The following MLF1 variants were observed in gnomAD, a reference collection of about 807,000 sequenced individuals.
MLF1 encodes myelodysplasia-myeloid leukemia factor 1.
A neutral mutation model predicts 38.3 loss-of-function variants in MLF1; 37 were observed. The ratio of observed to expected loss-of-function variants is 0.96; its 90% CI spans 0.74 to 1.27. The LOEUF is 1.27. MLF1 is among the 50% of genes most tolerant of loss of function. The probability of loss-of-function intolerance (pLI) is 0.00; values close to 1 mark genes in which losing one functional copy is unlikely to be tolerated. For missense variants in MLF1, 331 were observed against 349.2 expected, an observed-to-expected ratio of 0.95 and a Z score of 0.42; for synonymous variants, 95 against 106.5, an observed-to-expected ratio of 0.89 and a Z score of 0.66.
intron 1 of MLF1, among the ~76,000 whole-genome samples, chr3:158,579,081 T>G (rs1181914515): frequency 2.0e-5 from 3 of 152,150 alleles, no homozygotes; most frequent in South Asian, 4.1e-4. Context: ...ATTTTCAAAT[T>G]ATTACCTTAG....
At chr3:158,595,800 T>A (rs1358220586) in intron 3 of MLF1, among the ~76,000 whole-genome samples, 1 of 152,140 alleles carries the variant, frequency 6.6e-6, no homozygotes, top group African/African-American at 2.4e-5. Context: ...CAAATAGAAC[T>A]TAGGAGGATT....
At position 158,600,120 on chromosome 3, in the gene MLF1, AC is replaced by A. The variant is rs1719523853; in HGVS notation, c.561del (p.Asn187LysfsTer16). 6.8e-7 allele frequency: 1 copy of A among 1,475,242 alleles called. No individual in the cohort carries two copies. The highest frequency in any genetic ancestry group is 9.0e-7 in the Non-Finnish European group (1 of 1,105,780). 91.4% of individuals were successfully genotyped at this position (1,475,242 alleles called of 1,614,324 possible). ...GCTCATGTCATTAAAAAGTCAAAGA[AC>A]AAGAAGACTGGAGATGAAGAGGTCA... is the stretch of plus-strand genomic sequence containing the variant. ...DRAHVIKKSK[N>X]KKTGDEEVNQ... On this transcript the variant is annotated frameshift_variant, in exon 6 of 8. Transcript: ENST00000466246. LOFTEE classifies it high-confidence loss of function.
In MLF1 at chr3:158,581,155, G is replaced by T. The variant is rs190586259; in HGVS notation, c.47+9808G>T. Among the ~76,000 whole-genome samples, 3 of 152,156 alleles carry T rather than the reference G, an allele frequency of 2.0e-5. No homozygotes were observed. The South Asian group carries it at 6.2e-4, about 32-fold the overall frequency. ...CAGAAACCTCTTCAGGAACCAGTGC[G>T]AGGGTAGTAGGAAAACCTGACCTGT... On this transcript the variant is annotated intron_variant, in intron 1 of 7. Coordinates refer to ENST00000466246, the MANE Select transcript of MLF1 (RefSeq NM_001369783.1).
At chr3:158,571,421 G>T in intron 1 of MLF1, 74 bp downstream of exon 1, 6 of 1,589,192 alleles carry the variant, frequency 3.8e-6, no homozygotes, top group Non-Finnish European at 4.3e-6. Context: ...TAAGGGAAAA[G>T]AGCGAGTTTT....
chr3:158,576,391 C>T (rs931418281), intron 1 of MLF1, among the ~76,000 whole-genome samples: 2 of 152,128 alleles, frequency 1.3e-5, no homozygotes, highest in African/African-American at 4.8e-5. Flanking sequence ...TAACAATATG[C>T]ATATTGTTAA....
rs1463013635 is a variant in MLF1 at position 158,605,664 on chromosome 3, G to T, written c.*462G>T. The T allele has an allele frequency of 5.4e-6, 1 of 184,726 alleles. No homozygotes were observed. Among genetic ancestry groups the T allele is most frequent in the Non-Finnish European group, 1.1e-5 (1 of 87,336 alleles). The allele number at this position is 184,726 out of a possible 1,614,324, so 11.4% of individuals were successfully genotyped here. On this transcript the variant is annotated 3_prime_UTR_variant, in exon 8 of 8. Coordinates refer to ENST00000466246, the MANE Select transcript of MLF1 (RefSeq NM_001369783.1). ...TTTATCTCTAATTTTATAATGTGTTGTAAAGCCAACTAGCTTAAAACTTTA... is the reference window on the plus strand; with the variant it reads ...TTTATCTCTAATTTTATAATGTGTTTTAAAGCCAACTAGCTTAAAACTTTA...
At chr3:158,602,071 C>T (rs1719871944) in intron 6 of MLF1, among the ~76,000 whole-genome samples, 1 of 152,064 alleles carries the variant, frequency 6.6e-6, no homozygotes, top group African/African-American at 2.4e-5. Context: ...CCACCTCAGC[C>T]TCCCAAAGTG....
At chr3:158,577,797 G>T (rs1276492716) in intron 1 of MLF1, among the ~76,000 whole-genome samples, 1 of 152,098 alleles carries the variant, frequency 6.6e-6, no homozygotes, top group Non-Finnish European at 1.5e-5. Flanking sequence ...GTACCCACAA[G>T]ATAATTCCTA....
chr3:158,603,861 TAG>T lies in MLF1; in HGVS notation c.746+925_746+926del, dbSNP rs1174737032. On this transcript the variant is annotated intron_variant, in intron 7 of 7. Coordinates refer to ENST00000466246, the MANE Select transcript of MLF1 (RefSeq NM_001369783.1). The stretch of plus-strand genomic sequence containing the variant: ...CTCAAAAATAAATAAATAAATATTA[TAG>T]AGTTTTTAAATACATTTTGTACATA... 1.8e-4 allele frequency among the ~76,000 whole-genome samples: 28 copies of T among 152,086 alleles called. No homozygotes were observed. In the East Asian group the frequency reaches 4.6e-3, roughly 25 times the overall value.
At chr3:158,582,378 T>C (rs1193932799) in intron 1 of MLF1, among the ~76,000 whole-genome samples, 1 of 151,022 alleles carries the variant, frequency 6.6e-6, no homozygotes, top group Admixed American at 6.6e-5. Flanking sequence ...ACGAAAGATA[T>C]AACCTGTAAT....
chr3:158,592,847 A>G (rs1335882617), intron 2 of MLF1, among the ~76,000 whole-genome samples: 4 of 152,178 alleles, frequency 2.6e-5, no homozygotes, highest in Non-Finnish European at 5.9e-5. Context: ...TTTTATATTT[A>G]TGTATACATT....
chr3:158,576,791 G>A (rs1249583114), intron 1 of MLF1, among the ~76,000 whole-genome samples: 2 of 151,158 alleles, frequency 1.3e-5, no homozygotes, highest in Non-Finnish European at 2.9e-5. Context: ...TCCTGCCTCA[G>A]CCTCCTGAGT....
At chr3:158,572,052 TGTGAGGCGTTTGGAGGAGGGTTGAGGGC>T (rs1714464128) in intron 1 of MLF1, among the ~76,000 whole-genome samples, 1 of 14,812 alleles carries the variant, frequency 6.8e-5, no homozygotes, top group Non-Finnish European at 1.2e-4. Context: ...GATTTGGGGG[TGTGAGGCGTTTGGAGGAGGGTTGAGGGC>T]GTGAGGTGGG....
intron 1 of MLF1, among the ~76,000 whole-genome samples, chr3:158,590,614 TAAGGGAAAG>T (rs1361584006): frequency 1.3e-5 from 2 of 152,176 alleles, no homozygotes; most frequent in Non-Finnish European, 2.9e-5. Context: ...AGCATTATGC[TAAGGGAAAG>T]AAGCTAGACA....
At chr3:158,575,075 A>G (rs1426594721) in intron 1 of MLF1, among the ~76,000 whole-genome samples, 1 of 152,106 alleles carries the variant, frequency 6.6e-6, no homozygotes, top group East Asian at 2.0e-4. Context: ...AGGGTCAGAA[A>G]TAGTAACAGA....
intron 2 of MLF1, among the ~76,000 whole-genome samples, chr3:158,592,883 T>C (rs943045443): frequency 6.6e-6 from 1 of 152,160 alleles, no homozygotes; most frequent in African/African-American, 2.4e-5. Context: ...TCCTCTGATA[T>C]CTGAAATTAG....
intron 1 of MLF1, among the ~76,000 whole-genome samples, chr3:158,584,350 C>G (rs1716874610): frequency 6.6e-6 from 1 of 152,142 alleles, no homozygotes; most frequent in Admixed American, 6.5e-5. Flanking sequence ...ACGCAAGAGA[C>G]AGAATTTGAC....
intron 6 of MLF1, 75 bp downstream of exon 6, chr3:158,600,248 AG>A: frequency 2.4e-6 from 2 of 844,576 alleles, no homozygotes; most frequent in Non-Finnish European, 3.3e-6. Flanking sequence ...ATTTTTTTTT[AG>A]AAACATGTCA....
chr3:158,571,559 C>T lies in MLF1; in HGVS notation c.47+212C>T, dbSNP rs1487719061. Among the ~76,000 whole-genome samples the T allele has an allele frequency of 6.5e-5, 9 of 138,836 alleles. No homozygotes were observed. The Admixed American group carries it at 6.6e-4, about 10-fold the overall frequency. The allele number at this position is 138,836 out of a possible 152,430, so 91.1% of individuals were successfully genotyped here. A position where few individuals can be genotyped will look rare whatever the true frequency, so the allele number is the denominator to read the frequency against. ...GACAGGGAAGAGACGGATTTGGGCG[C>T]ATGAGGTGGAGAGAGGAGGGTTTGG... On this transcript the variant is annotated intron_variant, in intron 1 of 7. Coordinates refer to ENST00000466246, the MANE Select transcript of MLF1 (RefSeq NM_001369783.1).
Sources: allele counts gnomAD v4.1 joint callset (sites outside exome capture counted in the v4.1 genomes callset), GRCh38; gene constraint gnomAD v4.1.1; transcripts MANE v1.5; gene names NCBI Gene and HGNC (gene_info 2026-07-23, HGNC 2026-07-21).